GLDN: variants seen among roughly 807,000 people sequenced by gnomAD.
The protein encoded by GLDN is collomin.
A neutral mutation model predicts 56.5 loss-of-function variants in GLDN; 47 were observed. That is an observed-to-expected ratio of 0.83 (90% confidence interval 0.66 to 1.06). GLDN has a LOEUF of 1.06. GLDN is among the 50% of genes least tolerant of loss of function. The pLI is 0.00. For missense variants in GLDN, 782 were observed against 714.3 expected, an observed-to-expected ratio of 1.09 and a Z score of -1.08; for synonymous variants, 332 against 278.8, an observed-to-expected ratio of 1.19 and a Z score of -1.90.
chr15:51,389,765 G>A (rs1202922702), intron 4 of GLDN, among the ~76,000 whole-genome samples: 1 of 152,210 alleles, frequency 6.6e-6, no homozygotes, highest in Non-Finnish European at 1.5e-5. Flanking sequence ...ACCGCAGGGA[G>A]AGAACAGAAA....
chr15:51,358,146 T>G (rs2037222442), intron 1 of GLDN, among the ~76,000 whole-genome samples: 1 of 152,198 alleles, frequency 6.6e-6, no homozygotes, highest in South Asian at 2.1e-4. Context: ...GCAATGAGAC[T>G]TATGGGCCGA....
At chr15:51,352,305 C>T (rs2141052013) in intron 1 of GLDN, among the ~76,000 whole-genome samples, 1 of 152,082 alleles carries the variant, frequency 6.6e-6, no homozygotes, top group African/African-American at 2.4e-5. Flanking sequence ...GTCATTAATC[C>T]TATTTATGTA....
Position 51,404,702 on chromosome 15 carries a change from G to T in GLDN, c.1604G>T (p.Gly535Val), listed in dbSNP as rs755493791. 1.9e-6 allele frequency: 3 copies of T among 1,611,246 alleles called. No homozygotes were observed. The highest frequency in any genetic ancestry group is 2.5e-6 in the Non-Finnish European group (3 of 1,177,454). Reference sequence around the variant, plus strand: ...CAGCATTTATATTCATGGGAAGATGGCCATTTAATGCTTTATCCTGTGCAG... The same window carrying T: ...CAGCATTTATATTCATGGGAAGATGTCCATTTAATGCTTTATCCTGTGCAG... ...RDQHLYSWED[G>V]HLMLYPVQFL... Residue 535 changes from glycine to valine, a missense_variant, in exon 10 of 10, where the codon GGC becomes GTC. Physicochemically the swap from Gly to Val is moderately radical, Grantham distance 109. Coordinates refer to ENST00000335449, the MANE Select transcript of GLDN (RefSeq NM_181789.4).
At position 51,342,965 on chromosome 15, in the gene GLDN, C is replaced by T. The variant is rs576052516; in HGVS notation, c.363+918C>T. ...CAGTGTTAAGTTTCTTTGCTTTTGCCGCTTTTAATTCAATAGGTATTTAAC... is the reference window on the plus strand; with the variant it reads ...CAGTGTTAAGTTTCTTTGCTTTTGCTGCTTTTAATTCAATAGGTATTTAAC... On this transcript the variant is annotated intron_variant, in intron 1 of 9. Coordinates refer to ENST00000335449, the MANE Select transcript of GLDN (RefSeq NM_181789.4). Among the ~76,000 whole-genome samples, 48 of 152,326 alleles carry T rather than the reference C, an allele frequency of 3.2e-4. 1 individual carries two copies. In the Middle Eastern group the frequency reaches 0.01, roughly 32 times the overall value.
chr15:51,374,385 A>G (rs1280653895), intron 1 of GLDN, among the ~76,000 whole-genome samples: 1 of 152,182 alleles, frequency 6.6e-6, no homozygotes, highest in Non-Finnish European at 1.5e-5. Flanking sequence ...CATTTATGAA[A>G]ATGACTAAAG....
chr15:51,401,129 A>G (rs2038240557), intron 8 of GLDN, among the ~76,000 whole-genome samples: 1 of 152,254 alleles, frequency 6.6e-6, no homozygotes, highest in African/African-American at 2.4e-5. Flanking sequence ...CAGTTATTCA[A>G]TTGGGAACCT....
intron 4 of GLDN, among the ~76,000 whole-genome samples, chr15:51,392,077 C>A (rs1450444350): frequency 2.0e-5 from 3 of 152,132 alleles, no homozygotes; most frequent in Non-Finnish European, 4.4e-5. Context: ...GCAGACAGTT[C>A]CTTGAATATG....
chr15:51,353,707 A>G (rs1375668017), intron 1 of GLDN, among the ~76,000 whole-genome samples: 1 of 119,936 alleles, frequency 8.3e-6, no homozygotes, highest in Non-Finnish European at 1.6e-5. Flanking sequence ...CAGTCCTCGG[A>G]TTTGATTAAA....
chr15:51,412,618 T>C (rs757024613), downstream of GLDN, among the ~76,000 whole-genome samples: 3 of 152,250 alleles, frequency 2.0e-5, no homozygotes, highest in Non-Finnish European at 4.4e-5. Flanking sequence ...TTTTCCTTCC[T>C]ACTATTAATC....
intron 4 of GLDN, among the ~76,000 whole-genome samples, chr15:51,387,767 T>A (rs1179030334): frequency 1.3e-5 from 2 of 152,106 alleles, no homozygotes; most frequent in African/African-American, 4.8e-5. Context: ...TGTGTTCTAT[T>A]GAGTTAGGGA....
chr15:51,371,411 T>C (rs548947975), intron 1 of GLDN, among the ~76,000 whole-genome samples: 62 of 152,228 alleles, frequency 4.1e-4, no homozygotes, highest in Non-Finnish European at 7.3e-4. Flanking sequence ...TTATGTCCCA[T>C]CTCTGTTTAG....
At chr15:51,387,660 A>C (rs182941382) in intron 4 of GLDN, among the ~76,000 whole-genome samples, 2 of 152,302 alleles carry the variant, frequency 1.3e-5, no homozygotes, top group East Asian at 3.9e-4. Context: ...TTAAAGGATC[A>C]TTCGTGGTTT....
chr15:51,341,925 G>A lies in GLDN; in HGVS notation c.241G>A (p.Ala81Thr). The change falls in exon 1 of 10, where the codon GCA becomes ACA. Residue 81 changes from alanine (A) to threonine (T), a missense_variant. By Grantham distance (58) the Ala-to-Thr change is moderately conservative. Transcript: ENST00000335449. ...ELSRAPRGAS[A>T]PPQDPASSAR... Reference sequence around the variant, plus strand: ...GAGCCGCGCGCCGCGCGGGGCGTCCGCACCACCCCAAGACCCGGCCAGCTC... The same window carrying A: ...GAGCCGCGCGCCGCGCGGGGCGTCCACACCACCCCAAGACCCGGCCAGCTC... 2 of 1,595,792 alleles carry A rather than the reference G, an allele frequency of 1.3e-6. No individual in the cohort carries two copies. The highest frequency in any genetic ancestry group is 1.3e-5 in the African/African-American group (1 of 74,842).
At chr15:51,363,605 G>A (rs1194222652) in intron 1 of GLDN, among the ~76,000 whole-genome samples, 1 of 152,190 alleles carries the variant, frequency 6.6e-6, no homozygotes, top group Non-Finnish European at 1.5e-5. Flanking sequence ...AGGCGAGTGG[G>A]AGGGAAAAGA....
At chr15:51,410,096 C>T (rs1415881689), downstream of GLDN, among the ~76,000 whole-genome samples, 1 of 152,198 alleles carries the variant, frequency 6.6e-6, no homozygotes, top group African/African-American at 2.4e-5. Context: ...TTAGAAACAT[C>T]AAAGTAGCTG....
chr15:51,402,079 C>G (rs371697887), intron 9 of GLDN, among the ~76,000 whole-genome samples: 1 of 152,306 alleles, frequency 6.6e-6, no homozygotes, highest in East Asian at 1.9e-4. Context: ...CCTGGTGGAA[C>G]GTGCTGCTGC....
chr15:51,352,429 G>T (rs972679524), intron 1 of GLDN, among the ~76,000 whole-genome samples: 3 of 152,088 alleles, frequency 2.0e-5, no homozygotes, highest in African/African-American at 7.2e-5. Context: ...TCAGACCATG[G>T]CACTCAATAT....
chr15:51,380,740 C>G (rs2037740136), intron 2 of GLDN, among the ~76,000 whole-genome samples: 1 of 152,206 alleles, frequency 6.6e-6, no homozygotes, highest in African/African-American at 2.4e-5. Context: ...TCTTCTCTCA[C>G]TTGCCTCTCC....
Position 51,341,727 on chromosome 15 carries a change from G to A in GLDN, c.43G>A (p.Gly15Ser). ...GGGAGGCCGTGGGGACGCGGGTTGG[G>A]GCCTGCGTGGCGCCCTGGCGGCCGT... ...AEGGRGDAGW[G>S]LRGALAAVAL... The change falls in exon 1 of 10, where the codon GGC becomes AGC. Residue 15 changes from glycine (G) to serine (S), a missense_variant. Coordinates refer to ENST00000335449, the MANE Select transcript of GLDN (RefSeq NM_181789.4). The A allele has an allele frequency of 2.8e-6, 4 of 1,451,544 alleles. No homozygotes were observed. The South Asian group carries it at 4.3e-5, about 16-fold the overall frequency. The allele number at this position is 1,451,544 out of a possible 1,614,324, so 89.9% of individuals were successfully genotyped here. A position where few individuals can be genotyped will look rare whatever the true frequency, so the allele number is the denominator to read the frequency against.
Sources: gnomAD v4.1 joint callset for allele counts (sites outside exome capture counted in the v4.1 genomes callset) on GRCh38, gnomAD v4.1.1 for gene constraint, MANE v1.5 for transcripts, NCBI Gene and HGNC (gene_info 2026-07-23, HGNC 2026-07-21) for gene names.